AGBL4: variants seen among roughly 807,000 people sequenced by gnomAD.
AGBL4 encodes the protein cytosolic carboxypeptidase 6.
AGBL4 carries 58 observed loss-of-function variants against 66.4 expected under a neutral mutation model. The observed-to-expected ratio is 0.87, with a 90% CI of 0.71 to 1.09. The LOEUF (loss-of-function observed/expected upper bound fraction) is 1.09. Ranked by LOEUF, AGBL4 falls within the 50% of genes least tolerant of loss-of-function variation. The pLI, the probability that AGBL4 is intolerant of heterozygous loss-of-function variation, is 0.00. For missense variants in AGBL4, 579 were observed against 631.0 expected (o/e 0.92, Z 0.88); for synonymous variants, 234 against 222.9 (o/e 1.05, Z -0.44).
chr1:49,611,673 G>A (rs977353491), intron 3 of AGBL4, among the ~76,000 whole-genome samples: 30 of 152,010 alleles, frequency 2.0e-4, no homozygotes, highest in East Asian at 5.8e-4. Context: ...CACCGCGCCC[G>A]GCCAGTATCA....
At chr1:49,320,005 T>A (rs1385224740) in intron 3 of AGBL4, among the ~76,000 whole-genome samples, 3 of 152,132 alleles carry the variant, frequency 2.0e-5, no homozygotes, top group Non-Finnish European at 4.4e-5. Flanking sequence ...TACAGACGGT[T>A]CACTACAGCC....
chr1:48,878,670 G>A (rs1006832235), intron 5 of AGBL4, among the ~76,000 whole-genome samples: 54 of 152,110 alleles, frequency 3.6e-4, no homozygotes, highest in African/African-American at 1.3e-3. Context: ...AGGACACTGT[G>A]ATTCAGATCG....
chr1:48,889,735 G>A (rs1020953976), intron 5 of AGBL4, among the ~76,000 whole-genome samples: 5 of 152,124 alleles, frequency 3.3e-5, no homozygotes, highest in African/African-American at 1.2e-4. Context: ...TAAAACAAAG[G>A]AAGGACCTGC....
chr1:48,524,525 C>T, the AGBL4 span, among the ~76,000 whole-genome samples: 1 of 152,212 alleles, frequency 6.6e-6, no homozygotes, highest in African/African-American at 2.4e-5. Context: ...AGCACAGTCC[C>T]TGGGAGGCTG....
chr1:49,878,391 T>G (rs1265507619), intron 1 of AGBL4, among the ~76,000 whole-genome samples: 2 of 150,724 alleles, frequency 1.3e-5, no homozygotes. Flanking sequence ...AAGAACATCT[T>G]TATTTCTGCC....
rs146221610 is a variant in AGBL4 at position 49,490,725 on chromosome 1, G to T, written c.282+206588C>A. Among the ~76,000 whole-genome samples the T allele has an allele frequency of 3.6e-3, 553 of 151,852 alleles. 5 individuals are homozygous for T. Among genetic ancestry groups the T allele is most frequent in the Non-Finnish European group, 5.9e-3 (400 of 67,802 alleles). On this transcript the variant is annotated intron_variant, in intron 3 of 13. Coordinates refer to ENST00000371839, the MANE Select transcript of AGBL4 (RefSeq NM_032785.4). Reference sequence around the variant, plus strand: ...TTGCAAACCACATGGTTGGAGTTTGGAAGTGGGGGCATTTCTAAGAGGAAA... The same window carrying T: ...TTGCAAACCACATGGTTGGAGTTTGTAAGTGGGGGCATTTCTAAGAGGAAA...
chr1:49,822,607 C>A (rs961637244), intron 2 of AGBL4, among the ~76,000 whole-genome samples: 1 of 152,174 alleles, frequency 6.6e-6, no homozygotes, highest in Non-Finnish European at 1.5e-5. Context: ...CTCAAATGCT[C>A]ATCTCCAGAA....
intron 5 of AGBL4, among the ~76,000 whole-genome samples, chr1:48,926,860 A>C (rs1654620391): frequency 6.6e-6 from 1 of 152,172 alleles, no homozygotes; most frequent in African/African-American, 2.4e-5. Context: ...TGTTAGTAGC[A>C]ATAGTAGTAG....
chr1:49,112,141 A>G (rs1426182058), intron 4 of AGBL4, among the ~76,000 whole-genome samples: 6 of 152,222 alleles, frequency 3.9e-5, no homozygotes, highest in African/African-American at 1.4e-4. Flanking sequence ...GAGGTCTGAG[A>G]TTTGAAGTGA....
intron 3 of AGBL4, among the ~76,000 whole-genome samples, chr1:49,490,424 G>T (rs115226023): frequency 6.8e-4 from 103 of 151,492 alleles, no homozygotes; most frequent in Non-Finnish European, 9.0e-4. Flanking sequence ...CATATTGCTG[G>T]ATTTTGGTTG....
In AGBL4 at chr1:49,135,898, C is replaced by A. The variant is rs184316003; in HGVS notation, c.378-90098G>T. Among the ~76,000 whole-genome samples, 3 of 152,206 alleles carry A rather than the reference C, an allele frequency of 2.0e-5. No homozygotes were observed. The East Asian group carries it at 5.8e-4, about 29-fold the overall frequency. ...TGGGAGGCCTGCTCCCAACAGTACA[C>A]AAAATGAGTAAGTGTAATACATCAT... On this transcript the variant is annotated intron_variant, in intron 4 of 13. Coordinates refer to ENST00000371839, the MANE Select transcript of AGBL4 (RefSeq NM_032785.4).
chr1:49,079,235 C>T (rs1644763892), intron 4 of AGBL4, among the ~76,000 whole-genome samples: 1 of 152,160 alleles, frequency 6.6e-6, no homozygotes, highest in African/African-American at 2.4e-5. Flanking sequence ...TACAAAGCCA[C>T]TTTTAAAGTC....
At chr1:49,116,379 C>A (rs953970804) in intron 4 of AGBL4, among the ~76,000 whole-genome samples, 7 of 152,192 alleles carry the variant, frequency 4.6e-5, no homozygotes, top group African/African-American at 1.7e-4. Context: ...ATATCCCCAC[C>A]CCGCCAACAG....
intron 2 of AGBL4, among the ~76,000 whole-genome samples, chr1:49,737,663 T>C (rs1229193522): frequency 2.0e-5 from 3 of 152,176 alleles, no homozygotes; most frequent in Non-Finnish European, 4.4e-5. Context: ...TCTGTATGTG[T>C]ACTCCTGCAT....
At chr1:49,485,862 TG>T (rs1169317097) in intron 3 of AGBL4, among the ~76,000 whole-genome samples, 1 of 151,886 alleles carries the variant, frequency 6.6e-6, no homozygotes, top group East Asian at 1.9e-4. Flanking sequence ...AGAGCCTTAA[TG>T]GGTACAAACT....
chr1:49,389,472 G>T (rs1281872756), intron 3 of AGBL4, among the ~76,000 whole-genome samples: 1 of 152,086 alleles, frequency 6.6e-6, no homozygotes, highest in Non-Finnish European at 1.5e-5. Flanking sequence ...CTTGACTTGA[G>T]AAGTCAAGTA....
chr1:49,746,383 A>C (rs1440226030), intron 2 of AGBL4, among the ~76,000 whole-genome samples: 1 of 151,970 alleles, frequency 6.6e-6, no homozygotes, highest in Non-Finnish European at 1.5e-5. Flanking sequence ...ACTACTCAAC[A>C]AATGTTTTGT....
intron 2 of AGBL4, among the ~76,000 whole-genome samples, chr1:49,786,342 C>A (rs1263604961): frequency 6.6e-6 from 1 of 152,040 alleles, no homozygotes; most frequent in Non-Finnish European, 1.5e-5. Context: ...CAATTTAGCA[C>A]CTTAAAGTAA....
At chr1:48,614,974 A>G (rs1176775754) in intron 9 of AGBL4, among the ~76,000 whole-genome samples, 1 of 152,174 alleles carries the variant, frequency 6.6e-6, no homozygotes. Flanking sequence ...TACAGCTGTG[A>G]CAATGACAGA....
Sources: gnomAD v4.1 joint callset for allele counts (sites outside exome capture counted in the v4.1 genomes callset) on GRCh38, gnomAD v4.1.1 for gene constraint, MANE v1.5 for transcripts, NCBI Gene and HGNC (gene_info 2026-07-23, HGNC 2026-07-21) for gene names.